ASTN2: variants seen among roughly 807,000 people sequenced by gnomAD.
The protein encoded by ASTN2 is astrotactin-2.
Under a neutral mutation model 139.8 loss-of-function variants are expected in ASTN2, and 54 were observed. That is an observed-to-expected ratio of 0.39 (90% CI 0.31 to 0.48). The LOEUF (loss-of-function observed/expected upper bound fraction) is 0.48. ASTN2 is among the 20% of genes least tolerant of loss of function. ASTN2 has a pLI of 0.95. For synonymous variants in ASTN2, 756 were observed against 719.5 expected (o/e 1.05, Z -0.81); for missense variants, 1,565 against 1,725.1 (o/e 0.91, Z 1.64).
intron 3 of ASTN2, among the ~76,000 whole-genome samples, chr9:117,192,399 AG>A (rs1342762986): frequency 6.6e-6 from 1 of 152,106 alleles, no homozygotes; most frequent in Non-Finnish European, 1.5e-5. Flanking sequence ...AAGAAAAAAA[AG>A]AAAACTCAAT....
intron 13 of ASTN2, among the ~76,000 whole-genome samples, chr9:116,741,663 T>C (rs1018125377): frequency 1.3e-5 from 2 of 152,188 alleles, no homozygotes; most frequent in Non-Finnish European, 2.9e-5. Context: ...AAGAATGGGC[T>C]GGTACAAAAC....
chr9:117,372,708 A>G (rs1173576578), intron 1 of ASTN2, among the ~76,000 whole-genome samples: 1 of 152,186 alleles, frequency 6.6e-6, no homozygotes, highest in Admixed American at 6.5e-5. Flanking sequence ...TATTATTAAT[A>G]GATTTAAAAA....
chr9:116,578,668 T>TGTC (rs1853827779), intron 19 of ASTN2, among the ~76,000 whole-genome samples: 1 of 115,760 alleles, frequency 8.6e-6, no homozygotes, highest in Non-Finnish European at 2.0e-5. Context: ...GTGTGTGTGT[T>TGTC]TCTACTGTAC....
In ASTN2 at chr9:116,654,147, C is replaced by G. The variant is rs79841153; in HGVS notation, c.2807-2354G>C. On this transcript the variant is annotated intron_variant, in intron 16 of 22. Coordinates refer to ENST00000313400, the MANE Select transcript of ASTN2 (RefSeq NM_001365068.1). ...AGGACACTAGGGACTCATTAGCCCA[C>G]GCTCTGGCCTAGGTCAACAAACTAT... Among the ~76,000 whole-genome samples, 31 of 152,302 alleles carry G rather than the reference C, an allele frequency of 2.0e-4. 2 individuals are homozygous for G. The East Asian group carries it at 6.0e-3, about 29-fold the overall frequency.
chr9:117,286,296 G>A (rs535859989), intron 2 of ASTN2, among the ~76,000 whole-genome samples: 1 of 151,356 alleles, frequency 6.6e-6, no homozygotes, highest in South Asian at 2.1e-4. Flanking sequence ...GATCACATCT[G>A]CTAGGACCTA....
intron 1 of ASTN2, among the ~76,000 whole-genome samples, chr9:117,349,060 C>T (rs1054986774): frequency 3.3e-5 from 5 of 152,166 alleles, no homozygotes; most frequent in African/African-American, 7.2e-5. Flanking sequence ...TAGGCAAGGG[C>T]GGTGAAGCAT....
At chr9:116,597,309 T>G (rs995539713) in intron 19 of ASTN2, among the ~76,000 whole-genome samples, 1 of 141,554 alleles carries the variant, frequency 7.1e-6, no homozygotes, top group Non-Finnish European at 1.5e-5. Flanking sequence ...ATTTTTTTTT[T>G]TTTTTTTTTT....
intron 19 of ASTN2, among the ~76,000 whole-genome samples, chr9:116,497,110 G>C (rs1413641051): frequency 6.6e-6 from 1 of 152,208 alleles, no homozygotes. Flanking sequence ...CTGTGGGGCA[G>C]AAAGTGCAAG....
chr9:116,640,908 T>C (rs1857295309), intron 17 of ASTN2, among the ~76,000 whole-genome samples: 1 of 152,070 alleles, frequency 6.6e-6, no homozygotes, highest in East Asian at 1.9e-4. Flanking sequence ...GTGAATGTAT[T>C]AGAGAAATTC....
At chr9:116,441,480 G>A (rs906119974) in intron 21 of ASTN2, among the ~76,000 whole-genome samples, 18 of 151,532 alleles carry the variant, frequency 1.2e-4, no homozygotes, top group African/African-American at 4.4e-4. Flanking sequence ...CTCCCATTAT[G>A]TTACACTATT....
At chr9:116,761,113 C>G (rs1190589371) in intron 13 of ASTN2, among the ~76,000 whole-genome samples, 2 of 152,206 alleles carry the variant, frequency 1.3e-5, no homozygotes, top group Non-Finnish European at 2.9e-5. Context: ...CGTGGTTGTG[C>G]ATGTTGTCAC....
At chr9:117,405,155 C>T (rs529867961) in intron 1 of ASTN2, among the ~76,000 whole-genome samples, 18 of 152,276 alleles carry the variant, frequency 1.2e-4, no homozygotes, top group African/African-American at 1.9e-4. Context: ...ATATAAGAAA[C>T]GCCTGCAGCT....
At chr9:116,770,103 T>TTA (rs572845866) in intron 13 of ASTN2, among the ~76,000 whole-genome samples, 28 of 135,302 alleles carry the variant, frequency 2.1e-4, no homozygotes, top group African/African-American at 7.4e-4. Flanking sequence ...CTCTGAGAGT[T>TTA]AAAAAAAAAA....
chr9:116,553,294 A>G (rs566689184), intron 19 of ASTN2, among the ~76,000 whole-genome samples: 1 of 152,288 alleles, frequency 6.6e-6, no homozygotes, highest in African/African-American at 2.4e-5. Flanking sequence ...TAAAAATAAT[A>G]AAAAGGTGCA....
chr9:116,904,339 A>G (rs942922815), intron 10 of ASTN2, among the ~76,000 whole-genome samples: 1 of 152,180 alleles, frequency 6.6e-6, no homozygotes, highest in Non-Finnish European at 1.5e-5. Flanking sequence ...GGTAGGACAC[A>G]GACAGTCTGA....
chr9:116,908,491 A>T (rs1201879924), intron 10 of ASTN2, among the ~76,000 whole-genome samples: 1 of 152,222 alleles, frequency 6.6e-6, no homozygotes, highest in Non-Finnish European at 1.5e-5. Context: ...CCATAAAAAC[A>T]TGATGGTCAC....
At chr9:117,219,158 C>T (rs1832431132) in intron 2 of ASTN2, among the ~76,000 whole-genome samples, 1 of 152,184 alleles carries the variant, frequency 6.6e-6, no homozygotes. Flanking sequence ...ATGAGTGACT[C>T]AGAATCAAGA....
intron 20 of ASTN2, among the ~76,000 whole-genome samples, chr9:116,447,630 T>C (rs1287445808): frequency 6.6e-6 from 1 of 152,214 alleles, no homozygotes; most frequent in Non-Finnish European, 1.5e-5. Context: ...ATTGGCTGTG[T>C]GTAGCCTTGT....
chr9:117,152,598 G>T (rs1238127441), intron 3 of ASTN2, among the ~76,000 whole-genome samples: 1 of 152,082 alleles, frequency 6.6e-6, no homozygotes, highest in Admixed American at 6.6e-5. Context: ...CTGAATTTAG[G>T]CATATTGTGT....
Sources: gnomAD v4.1 joint callset for allele counts (sites outside exome capture counted in the v4.1 genomes callset) on GRCh38, gnomAD v4.1.1 for gene constraint, MANE v1.5 for transcripts, NCBI Gene and HGNC (gene_info 2026-07-23, HGNC 2026-07-21) for gene names.